TMEM175: variants seen among roughly 807,000 people sequenced by gnomAD.
The protein encoded by TMEM175 is endosomal/lysosomal proton channel TMEM175.
A neutral mutation model predicts 36.5 loss-of-function variants in TMEM175; 36 were observed. The observed-to-expected ratio is 0.99, with a 90% CI of 0.76 to 1.30. TMEM175 has a LOEUF of 1.30. Ranked by LOEUF, TMEM175 falls within the 50% of genes most tolerant of loss-of-function variation. The probability of loss-of-function intolerance (pLI) is 0.00; values close to 1 mark genes in which losing one functional copy is unlikely to be tolerated. For synonymous variants in TMEM175, 339 were observed against 313.4 expected, an observed-to-expected ratio of 1.08 and a Z score of -0.86; for missense variants, 705 against 692.8, an observed-to-expected ratio of 1.02 and a Z score of -0.20.
intron 5 of TMEM175, 87 bp from the exon 6 acceptor site, chr4:951,595 C>T: frequency 1.3e-6 from 2 of 1,571,230 alleles, no homozygotes; most frequent in Non-Finnish European, 1.7e-6. Context: ...AGGGCCCAGC[C>T]CTGTGCCTTC....
At position 951,235 on chromosome 4, in the gene TMEM175, G is replaced by A. The variant is rs1483599851; in HGVS notation, c.319G>A (p.Asp107Asn). 39 of 1,613,958 alleles carry A rather than the reference G, an allele frequency of 2.4e-5. No homozygotes were observed. Among genetic ancestry groups the A allele is most frequent in the Non-Finnish European group, 3.0e-5 (35 of 1,179,996 alleles). Residue 107 changes from aspartate to asparagine, a missense_variant, in exon 5 of 11, where the codon GAC becomes AAC. Coordinates refer to ENST00000264771, the MANE Select transcript of TMEM175 (RefSeq NM_032326.4). ...GTTCCAAGTTGTTGGGAAAACAGAC[G>A]ACACACTTGCCCTGCTCAACCTGGT... The part of the protein sequence containing the change: ...RLFQVVGKTD[D>N]TLALLNLACM...
At chr4:934,662 G>C (rs978707447) in intron 1 of TMEM175, among the ~76,000 whole-genome samples, 1 of 152,198 alleles carries the variant, frequency 6.6e-6, no homozygotes, top group African/African-American at 2.4e-5. Context: ...GAGCTACAAG[G>C]GTGATGTAGT....
chr4:940,401 T>C (rs1219984317), intron 1 of TMEM175, among the ~76,000 whole-genome samples: 8 of 147,416 alleles, frequency 5.4e-5, no homozygotes, highest in African/African-American at 2.0e-4. Context: ...TGAGCCGAGA[T>C]TGCACCATTG....
chr4:957,464 G>A lies in TMEM175; in HGVS notation c.843-360G>A, dbSNP rs144176220. Among the ~76,000 whole-genome samples the A allele has an allele frequency of 8.6e-3, 1,314 of 152,292 alleles. 12 individuals are homozygous for A. The highest frequency in any genetic ancestry group is 0.012 in the Non-Finnish European group (805 of 68,014). On this transcript the variant is annotated intron_variant, in intron 10 of 10. Transcript: ENST00000264771. ...GCTCCGAGGGCTGGAAGCTGGGAGGGAACAGACCTCGCTGCCCCACAGCAG... is the reference window on the plus strand; with the variant it reads ...GCTCCGAGGGCTGGAAGCTGGGAGGAAACAGACCTCGCTGCCCCACAGCAG...
At chr4:952,775 G>GTGTGTGTGTGTGTGC (rs1729110573) in intron 7 of TMEM175, among the ~76,000 whole-genome samples, 2 of 150,398 alleles carry the variant, frequency 1.3e-5, no homozygotes, top group African/African-American at 4.9e-5. Flanking sequence ...TGTGTGTGCT[G>GTGTGTGTGTGTGTGC]TATGTGTGTG....
intron 1 of TMEM175, 98 bp from the exon 2 acceptor site, chr4:947,611 C>A (rs904910074): frequency 7.7e-6 from 7 of 913,134 alleles, no homozygotes; most frequent in African/African-American, 1.7e-5. Context: ...GCCAAGCCCC[C>A]CCCCATACCA....
intron 6 of TMEM175, 112 bp downstream of exon 6, chr4:951,829 T>A: frequency 8.4e-7 from 1 of 1,196,022 alleles, no homozygotes; most frequent in Non-Finnish European, 1.2e-6. Flanking sequence ...CACACGGTTG[T>A]AGAGAAGAGA....
In TMEM175 at chr4:958,446, C is replaced by A. The variant is rs935570120; in HGVS notation, c.1465C>A (p.Pro489Thr). The A allele has an allele frequency of 6.3e-7, 1 of 1,587,842 alleles. No homozygotes were observed. Among genetic ancestry groups the A allele is most frequent in the South Asian group, 1.1e-5 (1 of 89,744 alleles). Residue 489 changes from proline (P) to threonine (T), a missense_variant, in exon 11 of 11, where the codon CCC becomes ACC. By Grantham distance (38) the Pro-to-Thr change is conservative (BLOSUM62 -1). Transcript: ENST00000264771. Reference protein sequence around the residue: ...LARPEHPPPAPTGQDDPQSQL... With the variant: ...LARPEHPPPATTGQDDPQSQL... ...CCGGCCCGAACACCCCCCGCCAGCC[C>A]CCACGGGCCAGGACGACCCACAGTC... is the stretch of plus-strand genomic sequence containing the variant.
chr4:948,621 C>G (rs933248270), intron 3 of TMEM175: 8 of 1,277,694 alleles, frequency 6.3e-6, no homozygotes, highest in African/African-American at 1.5e-5. Context: ...TGGAGGTGAG[C>G]GGGAAAGGGT....
chr4:956,313 G>A (rs1010906284), intron 10 of TMEM175: 27 of 1,279,192 alleles, frequency 2.1e-5, no homozygotes, highest in South Asian at 7.8e-5. Context: ...CCATCGCTTC[G>A]CAGCCCCTCC....
chr4:948,340 A>C, intron 3 of TMEM175, 186 bp downstream of exon 3: 1 of 1,536,758 alleles, frequency 6.5e-7, no homozygotes, highest in South Asian at 1.2e-5. Flanking sequence ...GCCTGTGCTC[A>C]CCCCGGCGGA....
rs755463218 is a variant in TMEM175, at chr4:955,733, C to T, written c.707-22C>T. On this transcript the variant is annotated intron_variant, in intron 9 of 10. Coordinates refer to ENST00000264771, the MANE Select transcript of TMEM175 (RefSeq NM_032326.4). ...TCCACATGGGGGGTTTGGCCAGCTC[C>T]ACCCTCCTGGCGTGTCCCCAGGCCA... 7.9e-5 allele frequency: 127 copies of T among 1,608,474 alleles called. No homozygotes were observed. In the East Asian group the frequency reaches 2.7e-3, roughly 35 times the overall value.
At chr4:957,224 GGGCTGCATGA>G (rs1406931955) in intron 10 of TMEM175, among the ~76,000 whole-genome samples, 1 of 152,056 alleles carries the variant, frequency 6.6e-6, no homozygotes, top group Non-Finnish European at 1.5e-5. Context: ...AGTCTGTCTG[GGGCTGCATGA>G]GGACCACTGT....
intron 9 of TMEM175, 113 bp downstream of exon 9, chr4:955,596 C>A: frequency 7.0e-7 from 1 of 1,434,810 alleles, no homozygotes; most frequent in Non-Finnish European, 9.6e-7. Flanking sequence ...GTGGTGGTGG[C>A]TGGGGCTCCC....
chr4:951,519 T>C (rs948118154), intron 5 of TMEM175, 163 bp from the exon 6 acceptor site: 4 of 894,886 alleles, frequency 4.5e-6, no homozygotes, highest in East Asian at 4.9e-5. Context: ...AGAGGATGAG[T>C]GCCCCCATCT....
In TMEM175 at chr4:957,823, G is replaced by A; in HGVS notation, c.843-1G>A. ...CAAATGCATCTATTCACTGTTCTCA[G>A]CGAAGACAACGTCCCGGACCCCAAG... On this transcript the variant is annotated splice_acceptor_variant, in intron 10 of 10. Coordinates refer to ENST00000264771, the MANE Select transcript of TMEM175 (RefSeq NM_032326.4). LOFTEE classifies it high-confidence loss of function. 1 of 1,602,184 alleles carries A rather than the reference G, an allele frequency of 6.2e-7. No homozygotes were observed. Among genetic ancestry groups the A allele is most frequent in the Non-Finnish European group, 8.5e-7 (1 of 1,173,882 alleles).
At chr4:957,446 G>C (rs896459516) in intron 10 of TMEM175, among the ~76,000 whole-genome samples, 1 of 152,200 alleles carries the variant, frequency 6.6e-6, no homozygotes, top group African/African-American at 2.4e-5. Flanking sequence ...GTGGCTCCGA[G>C]GGCTGGAAGC....
intron 5 of TMEM175, 174 bp from the exon 6 acceptor site, chr4:951,508 G>A: frequency 1.2e-6 from 1 of 861,056 alleles, no homozygotes; most frequent in Non-Finnish European, 1.8e-6. Flanking sequence ...GTAGGGGACA[G>A]AGAGGATGAG....
intron 7 of TMEM175, 50 bp from the exon 8 acceptor site, chr4:953,140 G>A: frequency 6.5e-7 from 1 of 1,540,026 alleles, no homozygotes; most frequent in Non-Finnish European, 8.8e-7. Context: ...CTGCTGTGGG[G>A]GCCCCCTCTG....
Sources: gnomAD v4.1 joint callset for allele counts (sites outside exome capture counted in the v4.1 genomes callset) on GRCh38, gnomAD v4.1.1 for gene constraint, MANE v1.5 for transcripts, NCBI Gene and HGNC (gene_info 2026-07-23, HGNC 2026-07-21) for gene names.